The following PGLS variants were observed in gnomAD, a reference collection of about 807,000 sequenced individuals.
PGLS encodes 6-phosphogluconolactonase.
A neutral mutation model predicts 23.2 loss-of-function variants in PGLS; 21 were observed. The ratio of observed to expected loss-of-function variants is 0.91; its 90% CI spans 0.64 to 1.31. PGLS has a LOEUF of 1.31. PGLS is among the 50% of genes most tolerant of loss of function. The pLI, the probability that PGLS is intolerant of heterozygous loss-of-function variation, is 0.00. For synonymous variants in PGLS, 179 were observed against 165.4 expected (o/e 1.08, Z -0.63); for missense variants, 410 against 354.0 (o/e 1.16, Z -1.27).
intron 1 of PGLS, among the ~76,000 whole-genome samples, chr19:17,514,819 A>T (rs1210776439): frequency 9.2e-5 from 14 of 152,096 alleles, no homozygotes; most frequent in Admixed American, 4.6e-4. Context: ...CGCCCAGCTA[A>T]TTTTATATTT....
At chr19:17,517,032 C>T (rs2075536648) in intron 2 of PGLS, among the ~76,000 whole-genome samples, 1 of 151,932 alleles carries the variant, frequency 6.6e-6, no homozygotes, top group Admixed American at 6.6e-5. Context: ...CTACAGGTGC[C>T]TGCCACCACG....
intron 1 of PGLS, chr19:17,512,206 A>C (rs1477256856): frequency 4.0e-6 from 2 of 505,048 alleles, no homozygotes; most frequent in Non-Finnish European, 7.0e-6. Context: ...TACGGGGGCC[A>C]CTGGGGGTCA....
intron 1 of PGLS, among the ~76,000 whole-genome samples, chr19:17,514,454 TCCTTCCTC>T (rs1167457903): frequency 6.6e-6 from 1 of 151,630 alleles, no homozygotes; most frequent in Non-Finnish European, 1.5e-5. Flanking sequence ...TTCCCTTCCT[TCCTTCCTC>T]CCTTCCTATA....
At position 17,517,260 on chromosome 19, in the gene PGLS, C is replaced by T. The variant is rs767529136; in HGVS notation, c.397-28C>T. On this transcript the variant is annotated intron_variant, in intron 2 of 4. Transcript: ENST00000252603. ...CCCCTGCCCCTGCCACCTACAACCTCTCAAGGCTGTCTTCTCCCCACGCCC... is the reference window on the plus strand; with the variant it reads ...CCCCTGCCCCTGCCACCTACAACCTTTCAAGGCTGTCTTCTCCCCACGCCC... The T allele has an allele frequency of 5.3e-6, 8 of 1,503,004 alleles. No homozygotes were observed. The South Asian group carries it at 9.0e-5, about 17-fold the overall frequency. The allele number at this position is 1,503,004 out of a possible 1,614,324, so 93.1% of individuals were successfully genotyped here.
intron 4 of PGLS, among the ~76,000 whole-genome samples, chr19:17,518,808 G>C (rs2075544912): frequency 6.6e-6 from 1 of 152,096 alleles, no homozygotes; most frequent in African/African-American, 2.4e-5. Flanking sequence ...TGGGATTACA[G>C]ATATGAGTCA....
rs2075554485 is a variant in PGLS, at chr19:17,520,936, T to C, written c.640-8T>C. 1 of 1,589,102 alleles carries C rather than the reference T, an allele frequency of 6.3e-7. No homozygotes were observed. Among genetic ancestry groups the C allele is most frequent in the African/African-American group, 1.3e-5 (1 of 74,386 alleles). ...GGCAGGGCCTTACTCTTCTGCCCTC[T>C]TCTTCAGCGCATTTTGGAGGACCAG... On this transcript the variant is annotated splice_polypyrimidine_tract_variant and splice_region_variant and intron_variant, in intron 4 of 4. Coordinates refer to ENST00000252603, the MANE Select transcript of PGLS (RefSeq NM_012088.3).
chr19:17,516,478 A>G, intron 2 of PGLS, 198 bp downstream of exon 2: 4 of 1,390,778 alleles, frequency 2.9e-6, no homozygotes, highest in Non-Finnish European at 3.7e-6. Context: ...TGCCCAGGTA[A>G]CAGGCCTGGG....
Position 17,521,032 on chromosome 19 carries a change from C to T in PGLS, c.728C>T (p.Ala243Val), listed in dbSNP as rs920123881. The change falls in exon 5 of 5, where the codon GCG becomes GTG. Residue 243 changes from alanine (A) to valine (V), a missense_variant. Coordinates refer to ENST00000252603, the MANE Select transcript of PGLS (RefSeq NM_012088.3). ...AAACTGTGCTGGTTCTTGGACGAGG[C>T]GGCCGCCCGCCTCCTGACCGTGCCC... ...TGKLCWFLDE[A>V]AARLLTVPFE... The T allele has an allele frequency of 2.5e-6, 4 of 1,600,376 alleles. No individual in the cohort carries two copies. Among genetic ancestry groups the T allele is most frequent in the Non-Finnish European group, 3.4e-6 (4 of 1,172,818 alleles).
chr19:17,519,424 G>T (rs1308158210), intron 4 of PGLS, among the ~76,000 whole-genome samples: 1 of 151,884 alleles, frequency 6.6e-6, no homozygotes, highest in Non-Finnish European at 1.5e-5. Flanking sequence ...TTTTGAGACA[G>T]CTTCTCACCC....
At position 17,521,123 on chromosome 19, in the gene PGLS, C is replaced by T. The variant is rs2075556002; in HGVS notation, c.*42C>T. The T allele has an allele frequency of 3.3e-6, 5 of 1,531,694 alleles. 1 individual carries two copies. The South Asian group carries it at 3.6e-5, about 11-fold the overall frequency. 94.9% of individuals were successfully genotyped at this position (1,531,694 alleles called of 1,614,324 possible). A position where few individuals can be genotyped will look rare whatever the true frequency, so the allele number is the denominator to read the frequency against. ...CGCAGCTGGGACCAGGCACGCGGCC[C>T]ATGGGGCTGGGCCCCTGCTGGCCGC... On this transcript the variant is annotated 3_prime_UTR_variant, in exon 5 of 5. Coordinates refer to ENST00000252603, the MANE Select transcript of PGLS (RefSeq NM_012088.3).
intron 4 of PGLS, chr19:17,520,390 A>C (rs1024668678): frequency 6.6e-6 from 1 of 151,914 alleles, no homozygotes; most frequent in Non-Finnish European, 1.5e-5. Context: ...TACCAAAAAC[A>C]AAAAAATTAG....
chr19:17,514,885 C>T (rs932757158), intron 1 of PGLS, among the ~76,000 whole-genome samples: 8 of 152,204 alleles, frequency 5.3e-5, no homozygotes, highest in Admixed American at 2.0e-4. Context: ...CTCCTGACCT[C>T]AGGTGATCCG....
chr19:17,514,702 G>T (rs1324758209), intron 1 of PGLS, among the ~76,000 whole-genome samples: 1 of 152,008 alleles, frequency 6.6e-6, no homozygotes, highest in Non-Finnish European at 1.5e-5. Context: ...GCCCAGGCTG[G>T]AGTGCAATGG....
chr19:17,518,162 C>T (rs1469730572), intron 4 of PGLS, among the ~76,000 whole-genome samples: 2 of 151,984 alleles, frequency 1.3e-5, no homozygotes, highest in African/African-American at 4.8e-5. Flanking sequence ...AAGTAGCAAA[C>T]TATTGAAATA....
Position 17,516,240 on chromosome 19 carries a change from TGGA to T in PGLS, c.362_364del (p.Glu121del). The stretch of plus-strand genomic sequence containing the variant: ...ATCACCATTAACCCCGAGCTGCCTG[TGGA>T]GGAGGCGGCTGAGGACTACGCCAAG... On this transcript the variant is annotated inframe_deletion, in exon 2 of 5. Coordinates refer to ENST00000252603, the MANE Select transcript of PGLS (RefSeq NM_012088.3). 7 of 1,613,982 alleles carry T rather than the reference TGGA, an allele frequency of 4.3e-6. No individual in the cohort carries two copies. Among genetic ancestry groups the T allele is most frequent in the Non-Finnish European group, 5.9e-6 (7 of 1,179,918 alleles).
At chr19:17,516,305 G>A in intron 2 of PGLS, 25 bp downstream of exon 2, 1 of 1,606,458 alleles carries the variant, frequency 6.2e-7, no homozygotes, top group Non-Finnish European at 8.5e-7. Context: ...GCGGCCGCAA[G>A]GGAGTCACAT....
At chr19:17,515,967 A>G in intron 1 of PGLS, 1 of 481,312 alleles carries the variant, frequency 2.1e-6, no homozygotes. Context: ...CCCAGGGCTC[A>G]GGATCCTGGC....
intron 4 of PGLS, chr19:17,518,392 T>C (rs1410357653): frequency 6.6e-6 from 1 of 152,194 alleles, no homozygotes; most frequent in Non-Finnish European, 1.5e-5. Flanking sequence ...GGTACTGTTA[T>C]GTAAAGTATT....
At chr19:17,512,269 G>T (rs924282578) in intron 1 of PGLS, 2 of 423,728 alleles carry the variant, frequency 4.7e-6, no homozygotes, top group Non-Finnish European at 8.5e-6. Flanking sequence ...GGCCGCTGGG[G>T]GTCTAGCCGA....
Sources: allele counts gnomAD v4.1 joint callset (sites outside exome capture counted in the v4.1 genomes callset), GRCh38; gene constraint gnomAD v4.1.1; transcripts MANE v1.5; gene names NCBI Gene and HGNC (gene_info 2026-07-23, HGNC 2026-07-21).